The following TMOD1 variants were observed in gnomAD, a reference collection of about 807,000 sequenced individuals.
TMOD1 encodes the protein tropomodulin-1.
A neutral mutation model predicts 40.6 loss-of-function variants in TMOD1; 17 were observed. The observed-to-expected ratio is 0.42, with a 90% CI of 0.29 to 0.63. TMOD1 has a LOEUF of 0.63. TMOD1 is among the 20% of genes least tolerant of loss of function. The pLI is 0.22. For synonymous variants in TMOD1, 181 were observed against 175.0 expected (o/e 1.03, Z -0.27); for missense variants, 391 against 447.6 (o/e 0.87, Z 1.14).
chr9:97,504,613 A>G (rs775347642), intron 1 of TMOD1, among the ~76,000 whole-genome samples: 3 of 152,184 alleles, frequency 2.0e-5, no homozygotes, highest in Non-Finnish European at 4.4e-5. Context: ...ATGAGCAAAA[A>G]AAGGTAAAAC....
chr9:97,547,457 T>C (rs1830382995), intron 3 of TMOD1, among the ~76,000 whole-genome samples: 1 of 152,160 alleles, frequency 6.6e-6, no homozygotes, highest in African/African-American at 2.4e-5. Context: ...TGTGTGAACA[T>C]ATGTAAATGT....
chr9:97,524,368 G>A (rs1829966646), intron 2 of TMOD1, 60 bp downstream of exon 2: 7 of 1,573,516 alleles, frequency 4.4e-6, no homozygotes, highest in Non-Finnish European at 6.0e-6. Flanking sequence ...GGAGGGACAG[G>A]TGGATGCTTC....
intron 8 of TMOD1, among the ~76,000 whole-genome samples, chr9:97,585,071 CGTTA>C (rs1000850271): frequency 9.5e-4 from 144 of 152,210 alleles, no homozygotes; most frequent in Non-Finnish European, 1.6e-3. Context: ...TTATTTTGCT[CGTTA>C]GTTGATGCAG....
chr9:97,536,979 C>T (rs1400342123), intron 2 of TMOD1, among the ~76,000 whole-genome samples: 4 of 152,126 alleles, frequency 2.6e-5, no homozygotes, highest in Admixed American at 2.0e-4. Flanking sequence ...GCATGGTGAG[C>T]CACCAGTCTG....
chr9:97,579,249 C>T (rs1825685721), intron 8 of TMOD1, among the ~76,000 whole-genome samples: 1 of 152,148 alleles, frequency 6.6e-6, no homozygotes, highest in South Asian at 2.1e-4. Context: ...GGGCTGACGT[C>T]GCCTCTATCC....
Position 97,539,026 on chromosome 9 carries a change from A to C in TMOD1, c.121-7159A>C, listed in dbSNP as rs956372942. Among the ~76,000 whole-genome samples, 12 of 150,496 alleles carry C rather than the reference A, an allele frequency of 8.0e-5. No individual in the cohort carries two copies. The East Asian group carries it at 2.3e-3, about 29-fold the overall frequency. On this transcript the variant is annotated intron_variant, in intron 2 of 9. Transcript: ENST00000259365. Reference sequence around the variant, plus strand: ...TCTCAAAAACAAAACAAAACAAAACAAAACAAACAAACAAACAAAACAGAT... The same window carrying C: ...TCTCAAAAACAAAACAAAACAAAACCAAACAAACAAACAAACAAAACAGAT...
chr9:97,563,915 C>T, intron 5 of TMOD1, 123 bp from the exon 6 acceptor site: 1 of 1,312,372 alleles, frequency 7.6e-7, no homozygotes, highest in Non-Finnish European at 1.0e-6. Flanking sequence ...CCACCCAGCC[C>T]CTGTGATGTG....
chr9:97,553,926 C>T (rs1421467794), intron 4 of TMOD1, among the ~76,000 whole-genome samples: 3 of 152,152 alleles, frequency 2.0e-5, no homozygotes, highest in Non-Finnish European at 2.9e-5. Flanking sequence ...TCAAAAACTA[C>T]CCCCAAAACT....
intron 8 of TMOD1, among the ~76,000 whole-genome samples, chr9:97,580,396 C>T (rs538590540): frequency 4.6e-5 from 7 of 151,990 alleles, no homozygotes; most frequent in South Asian, 2.1e-4. Context: ...CACTTGAGGC[C>T]GAGTTCGAGA....
chr9:97,536,663 G>A (rs958026062), intron 2 of TMOD1, among the ~76,000 whole-genome samples: 1 of 152,112 alleles, frequency 6.6e-6, no homozygotes, highest in African/African-American at 2.4e-5. Context: ...CTGTGGGATG[G>A]AAGTCAAGAG....
At position 97,571,102 on chromosome 9, in the gene TMOD1, G is replaced by T. The variant is rs563690109; in HGVS notation, c.870+2065G>T. ...GCAGATGGAACAAAGGCATGCAGCA[G>T]GCTTGGCAGTGGCCCTGGGCCAGGC... On this transcript the variant is annotated intron_variant, in intron 8 of 9. Coordinates refer to ENST00000259365, the MANE Select transcript of TMOD1 (RefSeq NM_003275.4). Among the ~76,000 whole-genome samples, 29 of 152,344 alleles carry T rather than the reference G, an allele frequency of 1.9e-4. No homozygotes were observed. In the South Asian group the frequency reaches 5.8e-3, roughly 30 times the overall value.
At chr9:97,520,397 G>A (rs1279634968) in intron 1 of TMOD1, among the ~76,000 whole-genome samples, 2 of 152,126 alleles carry the variant, frequency 1.3e-5, no homozygotes, top group Admixed American at 6.6e-5. Context: ...TTTTAAGACC[G>A]AGTTTGCAGT....
intron 2 of TMOD1, among the ~76,000 whole-genome samples, chr9:97,529,914 A>G (rs2131228054): frequency 6.6e-6 from 1 of 152,328 alleles, no homozygotes. Context: ...TATCTCATTT[A>G]GTCCTCTGGG....
At chr9:97,561,856 T>A (rs1830645343) in intron 4 of TMOD1, among the ~76,000 whole-genome samples, 2 of 152,220 alleles carry the variant, frequency 1.3e-5, no homozygotes, top group Non-Finnish European at 2.9e-5. Context: ...ATAGCCCTTC[T>A]CTTAACTTGA....
At chr9:97,549,687 C>T (rs1830418317) in intron 3 of TMOD1, among the ~76,000 whole-genome samples, 1 of 152,116 alleles carries the variant, frequency 6.6e-6, no homozygotes, top group Admixed American at 6.5e-5. Context: ...CTAATTGATT[C>T]ACAATCATTT....
At chr9:97,549,415 C>T (rs1416749137) in intron 3 of TMOD1, among the ~76,000 whole-genome samples, 1 of 152,194 alleles carries the variant, frequency 6.6e-6, no homozygotes, top group African/African-American at 2.4e-5. Context: ...ACCATCCTCA[C>T]TGGAGGAACC....
intron 2 of TMOD1, among the ~76,000 whole-genome samples, chr9:97,530,991 T>C (rs947398096): frequency 2.7e-5 from 4 of 147,584 alleles, no homozygotes; most frequent in Admixed American, 7.0e-5. Context: ...TTTCACCATG[T>C]TGGCCAGGCT....
At chr9:97,592,731 TAC>T (rs201709649) in intron 9 of TMOD1, among the ~76,000 whole-genome samples, 17 of 151,554 alleles carry the variant, frequency 1.1e-4, no homozygotes, top group African/African-American at 3.6e-4. Flanking sequence ...ACCACAGGAT[TAC>T]ACACACACAC....
chr9:97,553,663 G>C (rs756207123), intron 4 of TMOD1, among the ~76,000 whole-genome samples: 1 of 152,268 alleles, frequency 6.6e-6, no homozygotes, highest in East Asian at 1.9e-4. Flanking sequence ...GTGTATCTCA[G>C]GGAGAGCCCA....
Sources: gnomAD v4.1 joint callset for allele counts (sites outside exome capture counted in the v4.1 genomes callset) on GRCh38, gnomAD v4.1.1 for gene constraint, MANE v1.5 for transcripts, NCBI Gene and HGNC (gene_info 2026-07-23, HGNC 2026-07-21) for gene names.